SAMHD1: variants seen among roughly 807,000 people sequenced by gnomAD.
The protein encoded by SAMHD1 is deoxynucleoside triphosphate triphosphohydrolase SAMHD1.
A neutral mutation model predicts 79.6 loss-of-function variants in SAMHD1; 54 were observed. That is an observed-to-expected ratio of 0.68 (90% CI 0.55 to 0.85). The LOEUF (loss-of-function observed/expected upper bound fraction) is 0.85. Among genes scored for constraint, SAMHD1 ranks in the 40% least tolerant of loss-of-function variants. SAMHD1 has a pLI of 0.00. For missense variants in SAMHD1, 663 were observed against 782.7 expected, an observed-to-expected ratio of 0.85 and a Z score of 1.82; for synonymous variants, 260 against 264.1, an observed-to-expected ratio of 0.98 and a Z score of 0.15.
rs560204004 is a variant in SAMHD1, at chr20:36,898,156, T to G, written c.1609-197A>C. On this transcript the variant is annotated intron_variant, in intron 14 of 15. Transcript: ENST00000646673. ...AAGTGATCCTCCCACCTCAGCCTCC[T>G]AAGTAGTTGGAACTACAGGCATGAG... Among the ~76,000 whole-genome samples, 3 of 152,244 alleles carry G rather than the reference T, an allele frequency of 2.0e-5. No homozygotes were observed. In the South Asian group the frequency reaches 6.2e-4, roughly 32 times the overall value.
chr20:36,942,923 T>C (rs901811066), intron 2 of SAMHD1, among the ~76,000 whole-genome samples: 1 of 152,202 alleles, frequency 6.6e-6, no homozygotes, highest in Non-Finnish European at 1.5e-5. Flanking sequence ...CCCAAAGTGC[T>C]GGGATTAAAG....
Position 36,927,201 on chromosome 20 carries a change from C to A in SAMHD1, c.677G>T (p.Arg226Leu), listed in dbSNP as rs369489315. 3 of 1,613,530 alleles carry A rather than the reference C, an allele frequency of 1.9e-6. No homozygotes were observed. The highest frequency in any genetic ancestry group is 1.3e-5 in the African/African-American group (1 of 74,912). ...ACATACCGTCCATTTCACCTCCGGG[C>A]GAGCAAGTGGAATAAATCGTCCATC... ...MFDGRFIPLARPEVKWTHEQG... is the reference protein window; with the variant it reads ...MFDGRFIPLALPEVKWTHEQG... The change falls in exon 6 of 16, where the codon CGC becomes CTC. Residue 226 changes from arginine (R) to leucine (L), a missense_variant. Transcript: ENST00000646673.
chr20:36,919,263 A>T (rs1398610544), intron 7 of SAMHD1, 101 bp downstream of exon 7: 1 of 1,107,770 alleles, frequency 9.0e-7, no homozygotes, highest in African/African-American at 1.6e-5. Flanking sequence ...ATATTTTATC[A>T]TTTAGCCTCT....
At chr20:36,900,734 C>CTT (rs777039974) in intron 13 of SAMHD1, among the ~76,000 whole-genome samples, 10 of 143,580 alleles carry the variant, frequency 7.0e-5, no homozygotes, top group Non-Finnish European at 1.1e-4. Context: ...GCCTGGCTCA[C>CTT]TTTTTTTTTT....
At chr20:36,897,196 G>A (rs1990214351) in intron 15 of SAMHD1, among the ~76,000 whole-genome samples, 1 of 152,210 alleles carries the variant, frequency 6.6e-6, no homozygotes, top group South Asian at 2.1e-4. Flanking sequence ...GGAGGTGTGA[G>A]GGAGAGTTCT....
At chr20:36,917,086 A>G in intron 7 of SAMHD1, 37 bp from the exon 8 acceptor site, 1 of 1,320,694 alleles carries the variant, frequency 7.6e-7, no homozygotes, top group Non-Finnish European at 1.1e-6. Context: ...GTTTTAGGAT[A>G]GGCACCAAAT....
intron 13 of SAMHD1, among the ~76,000 whole-genome samples, chr20:36,900,402 C>A (rs1200721993): frequency 6.7e-6 from 1 of 149,704 alleles, no homozygotes; most frequent in African/African-American, 2.5e-5. Flanking sequence ...TGCACCACCA[C>A]ACCCAGCTAA....
At chr20:36,943,549 T>C (rs560219660) in intron 2 of SAMHD1, among the ~76,000 whole-genome samples, 20 of 152,310 alleles carry the variant, frequency 1.3e-4, no homozygotes, top group African/African-American at 3.6e-4. Flanking sequence ...TTTGTCTGTT[T>C]TGTTCACTCA....
At chr20:36,912,327 T>C (rs1168442331) in intron 10 of SAMHD1, 134 bp downstream of exon 10, 3 of 675,968 alleles carry the variant, frequency 4.4e-6, no homozygotes, top group Non-Finnish European at 7.9e-6. Context: ...TTTTTTTCTT[T>C]AAGGAAACCA....
rs1555830173 is a variant in SAMHD1, at chr20:36,890,396, C to CTTTCTTTCTTTCTTTCTTTCTTTCTT, written c.*2535_*2536insAAGAAAGAAAGAAAGAAAGAAAGAAA. ...ATACAAATAGCAAAGATATTTCTTT[C>CTTTCTTTCTTTCTTTCTTTCTTTCTT]TCTTTCTTTCTTTCTTTCTTTCTTT... On this transcript the variant is annotated 3_prime_UTR_variant, in exon 16 of 16. Coordinates refer to ENST00000646673, the MANE Select transcript of SAMHD1 (RefSeq NM_015474.4). The CTTTCTTTCTTTCTTTCTTTCTTTCTT allele has an allele frequency of 1.4e-5, 2 of 142,450 alleles. No individual in the cohort carries two copies. The highest frequency in any genetic ancestry group is 5.2e-5 in the African/African-American group (2 of 38,770). 8.8% of individuals were successfully genotyped at this position (142,450 alleles called of 1,614,324 possible). A position where few individuals can be genotyped will look rare whatever the true frequency, so the allele number is the denominator to read the frequency against.
intron 6 of SAMHD1, among the ~76,000 whole-genome samples, chr20:36,921,266 A>T (rs1374050558): frequency 6.6e-6 from 1 of 151,226 alleles, no homozygotes; most frequent in Non-Finnish European, 1.5e-5. Context: ...GGTGGCATGC[A>T]CCTGTAGTCC....
intron 6 of SAMHD1, among the ~76,000 whole-genome samples, chr20:36,922,204 AG>A (rs750879240): frequency 6.6e-6 from 1 of 152,216 alleles, no homozygotes; most frequent in Non-Finnish European, 1.5e-5. Flanking sequence ...ATTCTGGACC[AG>A]GGAAAAAAAG....
chr20:36,914,999 A>G (rs1036411110), intron 9 of SAMHD1, among the ~76,000 whole-genome samples: 5 of 152,052 alleles, frequency 3.3e-5, no homozygotes, highest in African/African-American at 1.2e-4. Context: ...GTGACAGAGT[A>G]AGATCCTGTA....
rs138897429 is a variant in SAMHD1, at chr20:36,911,841, A to G, written c.1155-508T>C. The G allele has an allele frequency of 1.7e-3, 300 of 175,644 alleles. 4 individuals carry two copies. Among genetic ancestry groups the G allele is most frequent in the African/African-American group, 7.0e-3 (293 of 41,790 alleles). 10.9% of individuals were successfully genotyped at this position (175,644 alleles called of 1,614,324 possible). On this transcript the variant is annotated intron_variant, in intron 10 of 15. Transcript: ENST00000646673. ...AACACAAATGTGAAAACGAACATGA[A>G]AAGTTAATCAATTTAAGGCTATTTT... is the stretch of plus-strand genomic sequence containing the variant.
intron 9 of SAMHD1, among the ~76,000 whole-genome samples, chr20:36,914,358 T>C (rs1461151845): frequency 2.1e-5 from 2 of 94,800 alleles, no homozygotes; most frequent in African/African-American, 1.1e-4. Context: ...TCTTTCTTTC[T>C]TTTTTTTTTT....
rs375598795 is a variant in SAMHD1 at position 36,898,552 on chromosome 20, A to C, written c.1504-8T>G. 1 of 1,598,324 alleles carries C rather than the reference A, an allele frequency of 6.3e-7. No homozygotes were observed. The highest frequency in any genetic ancestry group is 1.3e-5 in the African/African-American group (1 of 74,560). ...ATAATCCATGTTGATAACCTAAATA[A>C]AAGCAATTCACAAGTAATCATATAG... On this transcript the variant is annotated splice_region_variant and splice_polypyrimidine_tract_variant and intron_variant, in intron 13 of 15. Transcript: ENST00000646673.
intron 4 of SAMHD1, among the ~76,000 whole-genome samples, chr20:36,933,119 T>C (rs1447686382): frequency 6.6e-6 from 1 of 152,206 alleles, no homozygotes; most frequent in Non-Finnish European, 1.5e-5. Flanking sequence ...AAATATTTGT[T>C]GATGAATGAA....
rs1397103194 is a variant in SAMHD1 at position 36,916,018 on chromosome 20, G to A, written c.1062+704C>T. 4.6e-5 allele frequency among the ~76,000 whole-genome samples: 7 copies of A among 151,984 alleles called. No individual in the cohort carries two copies. The East Asian group carries it at 1.2e-3, about 25-fold the overall frequency. ...ACTAAAAATACAAAAAAAATTAGCC[G>A]GGCATAGTGGCGAGTGCCTGTAGTC... On this transcript the variant is annotated intron_variant, in intron 9 of 15. Transcript: ENST00000646673.
At chr20:36,946,877 A>G (rs1443027471) in intron 1 of SAMHD1, 73 bp from the exon 2 acceptor site, 8 of 1,207,572 alleles carry the variant, frequency 6.6e-6, no homozygotes, top group South Asian at 6.5e-5. Context: ...GGATACACCA[A>G]CATTTACCCA....
Sources: allele counts gnomAD v4.1 joint callset (sites outside exome capture counted in the v4.1 genomes callset), GRCh38; gene constraint gnomAD v4.1.1; transcripts MANE v1.5; gene names NCBI Gene and HGNC (gene_info 2026-07-23, HGNC 2026-07-21).